Variants in LRRFIP2 observed in about 807,000 individuals in gnomAD.
LRRFIP2 encodes LRR binding FLII interacting protein 2.
LRRFIP2 carries 109 observed loss-of-function variants against 125.9 expected under a neutral mutation model. The ratio of observed to expected loss-of-function variants is 0.87; its 90% CI spans 0.74 to 1.01. The LOEUF is 1.01. Ranked by LOEUF, LRRFIP2 falls within the 50% of genes least tolerant of loss-of-function variation. LRRFIP2 has a pLI of 0.00. For synonymous variants in LRRFIP2, 291 were observed against 293.1 expected (o/e 0.99, Z 0.07); for missense variants, 850 against 862.3 (o/e 0.99, Z 0.18).
intron 2 of LRRFIP2, chr3:37,134,542 G>T: frequency 2.4e-6 from 1 of 417,094 alleles, no homozygotes; most frequent in East Asian, 5.6e-5. Flanking sequence ...GCTTGTGTCT[G>T]GCAGAGCCGG....
At chr3:37,122,160 A>T (rs1238169230) in intron 4 of LRRFIP2, among the ~76,000 whole-genome samples, 1 of 144,746 alleles carries the variant, frequency 6.9e-6, no homozygotes, top group Non-Finnish European at 1.5e-5. Flanking sequence ...GAGTGAGAAC[A>T]CGCGGCGTTT....
At chr3:37,074,106 C>T (rs1004787618) in intron 20 of LRRFIP2, among the ~76,000 whole-genome samples, 2 of 152,182 alleles carry the variant, frequency 1.3e-5, no homozygotes, top group Non-Finnish European at 2.9e-5. Flanking sequence ...AATTTAAAGT[C>T]ATTTCTTTTT....
At chr3:37,150,583 T>C (rs929650359) in intron 1 of LRRFIP2, among the ~76,000 whole-genome samples, 50 of 152,252 alleles carry the variant, frequency 3.3e-4, no homozygotes, top group African/African-American at 1.2e-3. Context: ...AAAAAGACCA[T>C]CTAACCTTTG....
intron 2 of LRRFIP2, 64 bp downstream of exon 2, chr3:37,148,830 C>T (rs2095929584): frequency 1.3e-6 from 2 of 1,586,206 alleles, no homozygotes; most frequent in Non-Finnish European, 1.7e-6. Flanking sequence ...ATATCTCTGT[C>T]AAATCGGCAT....
intron 23 of LRRFIP2, chr3:37,065,143 GTATC>G (rs1437945452): frequency 6.1e-6 from 1 of 164,250 alleles, no homozygotes; most frequent in Non-Finnish European, 1.4e-5. Context: ...TAATGATACA[GTATC>G]TATCTGTGCC....
rs182799971 is a variant in LRRFIP2 at position 37,092,425 on chromosome 3, C to T, written c.1036-887G>A. Among the ~76,000 whole-genome samples, 54 of 152,272 alleles carry T rather than the reference C, an allele frequency of 3.5e-4. No individual in the cohort carries two copies. In the East Asian group the frequency reaches 8.1e-3, roughly 23 times the overall value. On this transcript the variant is annotated intron_variant, in intron 17 of 27. Coordinates refer to ENST00000336686, the MANE Select transcript of LRRFIP2 (RefSeq NM_006309.4). ...GTAGGTTTGACTGTCTTTTACTTAT[C>T]GATTCATTCAATACACATTTATGAA...
At chr3:37,156,235 T>C (rs1253177793) in intron 1 of LRRFIP2, among the ~76,000 whole-genome samples, 3 of 152,146 alleles carry the variant, frequency 2.0e-5, no homozygotes, top group Non-Finnish European at 2.9e-5. Context: ...ATCCCAGCAC[T>C]CTGCGAGGCC....
rs573805947 is a variant in LRRFIP2, at chr3:37,155,940, C to A, written c.-55-6902G>T. ...CCCAGGCTGGAGTGCAATAGTGCGA[C>A]CTTGGCTCACTGCAACCTCGGCCTC... is the stretch of plus-strand genomic sequence containing the variant. On this transcript the variant is annotated intron_variant, in intron 1 of 27. Coordinates refer to ENST00000336686, the MANE Select transcript of LRRFIP2 (RefSeq NM_006309.4). Among the ~76,000 whole-genome samples, 12 of 152,162 alleles carry A rather than the reference C, an allele frequency of 7.9e-5. No individual in the cohort carries two copies. The South Asian group carries it at 2.5e-3, about 32-fold the overall frequency.
At chr3:37,164,853 G>GTT in intron 1 of LRRFIP2, among the ~76,000 whole-genome samples, 1 of 152,176 alleles carries the variant, frequency 6.6e-6, no homozygotes, top group Middle Eastern at 3.4e-3. Flanking sequence ...CCCCATGAAT[G>GTT]TAGGTGGGTC....
chr3:37,075,241 A>G (rs1399362692), intron 19 of LRRFIP2, 125 bp from the exon 20 acceptor site: 1 of 516,720 alleles, frequency 1.9e-6, no homozygotes, highest in Non-Finnish European at 3.4e-6. Context: ...ATTCATAGTA[A>G]CTTAGAAAAA....
At chr3:37,067,442 T>C (rs188549550) in intron 21 of LRRFIP2, 12 of 152,350 alleles carry the variant, frequency 7.9e-5, no homozygotes, top group Non-Finnish European at 1.5e-4. Flanking sequence ...CCAAATATTT[T>C]TGTTCATATA....
chr3:37,057,003 ACT>A (rs1168836561), intron 25 of LRRFIP2, among the ~76,000 whole-genome samples: 2 of 151,934 alleles, frequency 1.3e-5, no homozygotes, highest in Non-Finnish European at 2.9e-5. Flanking sequence ...ATTCCAAAAC[ACT>A]CTCATAATAG....
chr3:37,140,368 CAG>C (rs1560031404), intron 2 of LRRFIP2: 2 of 152,186 alleles, frequency 1.3e-5, no homozygotes, highest in African/African-American at 4.8e-5. Flanking sequence ...TGGAAAGATA[CAG>C]AGATTAGCAT....
At chr3:37,098,549 C>T (rs1266956863) in intron 15 of LRRFIP2, among the ~76,000 whole-genome samples, 2 of 151,758 alleles carry the variant, frequency 1.3e-5, no homozygotes, top group South Asian at 2.1e-4. Flanking sequence ...CCATCACGCC[C>T]GGCTAATTTT....
At chr3:37,054,029 A>T (rs1055551854) in intron 27 of LRRFIP2, 68 bp from the exon 28 acceptor site, 1 of 955,694 alleles carries the variant, frequency 1.0e-6, no homozygotes, top group African/African-American at 1.6e-5. Context: ...TCTATTTTCA[A>T]CTTCCTGGGA....
chr3:37,069,203 C>G (rs2090709131), intron 21 of LRRFIP2, among the ~76,000 whole-genome samples: 1 of 152,128 alleles, frequency 6.6e-6, no homozygotes. Flanking sequence ...AAATTAAACA[C>G]AGAATTACCA....
intron 1 of LRRFIP2, chr3:37,154,726 T>C (rs1056971228): frequency 6.6e-6 from 1 of 152,224 alleles, no homozygotes; most frequent in Non-Finnish European, 1.5e-5. Context: ...AATATACGTC[T>C]GAAACAATAG....
At chr3:37,115,573 A>G (rs1356577010) in intron 6 of LRRFIP2, among the ~76,000 whole-genome samples, 1 of 152,242 alleles carries the variant, frequency 6.6e-6, no homozygotes, top group East Asian at 1.9e-4. Flanking sequence ...CAAAAGAACA[A>G]TTGCAGCACC....
intron 24 of LRRFIP2, among the ~76,000 whole-genome samples, chr3:37,059,124 C>G (rs915285220): frequency 6.6e-6 from 1 of 152,162 alleles, no homozygotes; most frequent in Non-Finnish European, 1.5e-5. Flanking sequence ...AGCCCCAGGA[C>G]CAGGTGTCCC....
Sources: gnomAD v4.1 joint callset for allele counts (sites outside exome capture counted in the v4.1 genomes callset) on GRCh38, gnomAD v4.1.1 for gene constraint, MANE v1.5 for transcripts, NCBI Gene and HGNC (gene_info 2026-07-23, HGNC 2026-07-21) for gene names.